The following ADARB2 variants were observed in gnomAD, a reference collection of about 807,000 sequenced individuals.
ADARB2 encodes the protein inactive double-stranded RNA-specific editase B2.
A neutral mutation model predicts 62.2 loss-of-function variants in ADARB2; 25 were observed. That is an observed-to-expected ratio of 0.40 (90% CI 0.29 to 0.56). The LOEUF is 0.56. Ranked by LOEUF, ADARB2 falls within the 20% of genes least tolerant of loss-of-function variation. The pLI, the probability that ADARB2 is intolerant of heterozygous loss-of-function variation, is 0.43. For synonymous variants in ADARB2, 572 were observed against 500.8 expected (o/e 1.14, Z -1.90); for missense variants, 1,071 against 1,077.4 (o/e 0.99, Z 0.08).
intron 1 of ADARB2, among the ~76,000 whole-genome samples, chr10:1,663,192 G>C (rs533671439): frequency 2.0e-5 from 3 of 152,236 alleles, no homozygotes; most frequent in African/African-American, 7.2e-5. Context: ...AAAGTACAGA[G>C]ACTTCCCATA....
chr10:1,678,628 A>T (rs1834498745), intron 1 of ADARB2, among the ~76,000 whole-genome samples: 1 of 151,714 alleles, frequency 6.6e-6, no homozygotes, highest in Non-Finnish European at 1.5e-5. Flanking sequence ...AGTCCCTTTT[A>T]CGGGTCTGGT....
intron 1 of ADARB2, among the ~76,000 whole-genome samples, chr10:1,528,460 G>A (rs927483505): frequency 2.0e-5 from 3 of 152,180 alleles, no homozygotes; most frequent in Admixed American, 6.5e-5. Flanking sequence ...AGGACTTATG[G>A]ATGCGCCAAA....
chr10:1,685,130 CTCTT>C (rs1834583062), intron 1 of ADARB2, among the ~76,000 whole-genome samples: 2 of 152,188 alleles, frequency 1.3e-5, no homozygotes, highest in Admixed American at 6.5e-5. Context: ...AAGCCAGATT[CTCTT>C]TCTATGAGCA....
At chr10:1,319,486 A>G (rs1831776087) in intron 3 of ADARB2, among the ~76,000 whole-genome samples, 1 of 151,602 alleles carries the variant, frequency 6.6e-6, no homozygotes, top group South Asian at 2.1e-4. Flanking sequence ...CATAATCAAA[A>G]TAAAAAGCAA....
At chr10:1,601,506 C>T (rs938478782) in intron 1 of ADARB2, among the ~76,000 whole-genome samples, 4 of 152,228 alleles carry the variant, frequency 2.6e-5, no homozygotes, top group Non-Finnish European at 4.4e-5. Flanking sequence ...AAAATAAACA[C>T]CGATCTTAGC....
chr10:1,409,719 A>G (rs1414598920), intron 1 of ADARB2, among the ~76,000 whole-genome samples: 4 of 114,208 alleles, frequency 3.5e-5, no homozygotes, highest in African/African-American at 1.2e-4. Flanking sequence ...GGCTGTGGTC[A>G]TGAGGAAGGA....
At chr10:1,430,663 C>G (rs1830768666) in intron 1 of ADARB2, among the ~76,000 whole-genome samples, 1 of 152,056 alleles carries the variant, frequency 6.6e-6, no homozygotes, top group African/African-American at 2.4e-5. Flanking sequence ...TCACTTGAAT[C>G]TGGGAGGCGG....
chr10:1,497,700 G>T (rs568806547), intron 1 of ADARB2, among the ~76,000 whole-genome samples: 1 of 152,260 alleles, frequency 6.6e-6, no homozygotes, highest in Non-Finnish European at 1.5e-5. Flanking sequence ...AACTTGTTCT[G>T]AGGAAATAAA....
intron 1 of ADARB2, among the ~76,000 whole-genome samples, chr10:1,578,715 A>G (rs1225988111): frequency 2.0e-5 from 3 of 150,478 alleles, no homozygotes; most frequent in Admixed American, 6.7e-5. Context: ...ATGCACACTC[A>G]CACAGACTCA....
chr10:1,633,912 C>T (rs1053377954), intron 1 of ADARB2, among the ~76,000 whole-genome samples: 7 of 152,164 alleles, frequency 4.6e-5, no homozygotes, highest in Non-Finnish European at 1.0e-4. Context: ...CATGTGAACC[C>T]GCATGTCCAG....
In ADARB2 at chr10:1,183,043, G is replaced by T; in HGVS notation, c.*150C>A. Reference sequence around the variant, plus strand: ...AAGAGGCACGTTCTGAATTTGTGTTGTTGCTCGTCCAAACATTGCACACTC... The same window carrying T: ...AAGAGGCACGTTCTGAATTTGTGTTTTTGCTCGTCCAAACATTGCACACTC... On this transcript the variant is annotated 3_prime_UTR_variant, in exon 10 of 10. Transcript: ENST00000381312. The T allele has an allele frequency of 2.3e-6, 2 of 885,430 alleles. No homozygotes were observed. The highest frequency in any genetic ancestry group is 3.4e-6 in the Non-Finnish European group (2 of 592,644). The allele number at this position is 885,430 out of a possible 1,614,324, so 54.8% of individuals were successfully genotyped here. A position where few individuals can be genotyped will look rare whatever the true frequency, so the allele number is the denominator to read the frequency against.
chr10:1,200,159 G>A lies in ADARB2; in HGVS notation c.1683-12C>T. 1 of 1,550,238 alleles carries A rather than the reference G, an allele frequency of 6.5e-7. No homozygotes were observed. The highest frequency in any genetic ancestry group is 8.7e-7 in the Non-Finnish European group (1 of 1,146,930). On this transcript the variant is annotated splice_polypyrimidine_tract_variant and intron_variant, in intron 7 of 9. Transcript: ENST00000381312. ...CCAGGACGTTCCACCTGTGGGGAGA[G>A]CCAGCAGTCAGCGGAGCCCCACCCA...
intron 1 of ADARB2, among the ~76,000 whole-genome samples, chr10:1,621,050 G>A (rs1833697997): frequency 6.6e-6 from 1 of 152,194 alleles, no homozygotes; most frequent in South Asian, 2.1e-4. Flanking sequence ...CAGGGACAAG[G>A]GAAGGATGTC....
At chr10:1,502,658 G>A (rs182052964) in intron 1 of ADARB2, among the ~76,000 whole-genome samples, 248 of 152,376 alleles carry the variant, frequency 1.6e-3, no homozygotes, top group African/African-American at 4.9e-3. Flanking sequence ...GGAAGTCTGA[G>A]TGGGTGTCAC....
chr10:1,724,942 G>A (rs1231273135), intron 1 of ADARB2, among the ~76,000 whole-genome samples: 2 of 152,194 alleles, frequency 1.3e-5, no homozygotes, highest in Non-Finnish European at 2.9e-5. Context: ...GTTGTTGGGA[G>A]GATTAAATGA....
chr10:1,473,082 C>A, intron 1 of ADARB2, among the ~76,000 whole-genome samples: 1 of 152,112 alleles, frequency 6.6e-6, no homozygotes, highest in East Asian at 1.9e-4. Context: ...GAACGTGGGG[C>A]CCTGGAAGCA....
In ADARB2 at chr10:1,310,219, T is replaced by C. The variant is rs117160879; in HGVS notation, c.1078-39150A>G. On this transcript the variant is annotated intron_variant, in intron 3 of 9. Transcript: ENST00000381312. The stretch of plus-strand genomic sequence containing the variant: ...AGTGAGCAGTCTGAAGGTGTTTGCA[T>C]TTACGCAGAGGTACAACTTCTGACT... Among the ~76,000 whole-genome samples, 529 of 152,312 alleles carry C rather than the reference T, an allele frequency of 3.5e-3. 1 individual carries two copies. The highest frequency in any genetic ancestry group is 5.6e-3 in the Non-Finnish European group (382 of 68,036).
chr10:1,235,058 T>C (rs947275658), intron 5 of ADARB2, among the ~76,000 whole-genome samples: 1 of 152,188 alleles, frequency 6.6e-6, no homozygotes, highest in Admixed American at 6.5e-5. Context: ...CACCATGATC[T>C]TTTACCAAGC....
chr10:1,249,297 C>T (rs1831014559), intron 4 of ADARB2, among the ~76,000 whole-genome samples: 1 of 152,074 alleles, frequency 6.6e-6, no homozygotes, highest in Non-Finnish European at 1.5e-5. Flanking sequence ...CAAAAAGTAG[C>T]TGGGTGTGGA....
Sources: gnomAD v4.1 joint callset for allele counts (sites outside exome capture counted in the v4.1 genomes callset) on GRCh38, gnomAD v4.1.1 for gene constraint, MANE v1.5 for transcripts, NCBI Gene and HGNC (gene_info 2026-07-23, HGNC 2026-07-21) for gene names.